The following ATP6V0A2 variants were observed in gnomAD, a reference collection of about 807,000 sequenced individuals.
ATP6V0A2 encodes V-type proton ATPase 116 kDa subunit a 2.
Under a neutral mutation model 104.4 loss-of-function variants are expected in ATP6V0A2, and 58 were observed. That is an observed-to-expected ratio of 0.56 (90% CI 0.45 to 0.69). ATP6V0A2 has a LOEUF of 0.69. ATP6V0A2 is among the 30% of genes least tolerant of loss of function. The pLI, the probability that ATP6V0A2 is intolerant of heterozygous loss-of-function variation, is 0.00. For synonymous variants in ATP6V0A2, 376 were observed against 397.9 expected, an observed-to-expected ratio of 0.95 and a Z score of 0.65; for missense variants, 938 against 1,062.9, an observed-to-expected ratio of 0.88 and a Z score of 1.63.
At chr12:123,729,902 C>T (rs535841850) in intron 6 of ATP6V0A2, among the ~76,000 whole-genome samples, 7 of 152,052 alleles carry the variant, frequency 4.6e-5, no homozygotes, top group African/African-American at 1.7e-4. Context: ...GCAATCTCTG[C>T]CTCCAGGGTT....
intron 3 of ATP6V0A2, 184 bp from the exon 4 acceptor site, chr12:123,724,470 A>G (rs1219804416): frequency 1.4e-5 from 7 of 517,998 alleles, no homozygotes; most frequent in Non-Finnish European, 2.5e-5. Context: ...TGGAGGTTGC[A>G]GTGAGCCGAG....
At position 123,734,476 on chromosome 12, in the gene ATP6V0A2, A is replaced by G. The variant is rs529488545; in HGVS notation, c.731+468A>G. On this transcript the variant is annotated intron_variant, in intron 7 of 19. Transcript: ENST00000330342. ...TCGCTGTCTCACTGGACTCACTTGG[A>G]CAAGTGACCAAGCCTCAGTTTCTTC... Among the ~76,000 whole-genome samples, 22 of 152,248 alleles carry G rather than the reference A, an allele frequency of 1.4e-4. 1 individual carries two copies. In the South Asian group the frequency reaches 4.1e-3, roughly 29 times the overall value.
intron 2 of ATP6V0A2, chr12:123,721,190 G>GTGTTT (rs55821427): frequency 0.57 from 87,242 of 151,906 alleles, 25,834 homozygotes; most frequent in East Asian, 0.89. Flanking sequence ...ATGAATCTAG[G>GTGTTT]TGTTTTGTTT....
At chr12:123,749,847 T>C (rs1023961934) in intron 15 of ATP6V0A2, 17 of 152,272 alleles carry the variant, frequency 1.1e-4, no homozygotes, top group African/African-American at 3.6e-4. Context: ...TTTTGGTTTT[T>C]CATCGTGTTG....
chr12:123,744,207 T>C lies in ATP6V0A2; in HGVS notation c.1196T>C (p.Phe399Ser). Reference sequence around the variant, plus strand: ...CTTTCCCTTTTTTCTGCAGCTCTCTTTACCATCATCACCTTCCCGTTTTTA... The same window carrying C: ...CTTTCCCTTTTTTCTGCAGCTCTCTCTACCATCATCACCTTCCCGTTTTTA... ...GSYREVNPAL[F>S]TIITFPFLFA... Residue 399 changes from phenylalanine to serine, a missense_variant, in exon 11 of 20, where the codon TTT (phenylalanine) becomes TCT (serine). Coordinates refer to ENST00000330342, the MANE Select transcript of ATP6V0A2 (RefSeq NM_012463.4). This position sits in a 1 kb window ranked among gnomAD's most constrained non-coding sequence, Gnocchi z 5.4. 6.2e-7 allele frequency: 1 copy of C among 1,614,234 alleles called. No homozygotes were observed. Among genetic ancestry groups the C allele is most frequent in the Non-Finnish European group, 8.5e-7 (1 of 1,180,046 alleles).
chr12:123,712,356 A>G lies in ATP6V0A2; in HGVS notation c.-210A>G, dbSNP rs1023576531. On this transcript the variant is annotated 5_prime_UTR_variant, in exon 1 of 20. Transcript: ENST00000330342. ...GAACCGGCAGTGGCTTGGGGGCGGG[A>G]CCTCGCGGACTGCTGTGGCGGCAGC... The G allele has an allele frequency of 3.1e-6, 1 of 322,304 alleles. No individual in the cohort carries two copies. The highest frequency in any genetic ancestry group is 2.2e-5 in the African/African-American group (1 of 45,742). 20.0% of individuals were successfully genotyped at this position (322,304 alleles called of 1,614,324 possible).
chr12:123,748,620 A>G lies in ATP6V0A2; in HGVS notation c.1770A>G (p.Glu590=), dbSNP rs1338926105. The G allele has an allele frequency of 6.2e-7, 1 of 1,613,908 alleles. No homozygotes were observed. The highest frequency in any genetic ancestry group is 8.5e-7 in the Non-Finnish European group (1 of 1,179,922). Residue 590 remains glutamate, a synonymous_variant, in exon 15 of 20, where the codon GAA becomes GAG. Transcript: ENST00000330342. The part of the protein sequence containing the change: ...KFNIYLVSIP[E]LLFMLCIFGY... ...ACATTTACCTGGTTTCCATCCCGGAACTTCTCTTCATGCTCTGTATCTTTG... is the reference window on the plus strand; with the variant it reads ...ACATTTACCTGGTTTCCATCCCGGAGCTTCTCTTCATGCTCTGTATCTTTG...
At chr12:123,735,475 C>T (rs145807850) in intron 7 of ATP6V0A2, 56 bp from the exon 8 acceptor site, 26 of 1,504,840 alleles carry the variant, frequency 1.7e-5, no homozygotes, top group African/African-American at 5.5e-5. Flanking sequence ...GGGAGGTGAA[C>T]GTGTTTAGTT....
At chr12:123,727,509 C>G (rs1261782690) in intron 5 of ATP6V0A2, among the ~76,000 whole-genome samples, 1 of 152,078 alleles carries the variant, frequency 6.6e-6, no homozygotes, top group Non-Finnish European at 1.5e-5. Context: ...GAACTCCTGA[C>G]CTTGTGATCC....
At chr12:123,736,185 C>CTTTTTTT (rs75644082) in intron 8 of ATP6V0A2, among the ~76,000 whole-genome samples, 2 of 81,916 alleles carry the variant, frequency 2.4e-5, no homozygotes, top group Non-Finnish European at 2.3e-5. Flanking sequence ...GATTGTGATT[C>CTTTTTTT]TTTTTTTTTT....
chr12:123,722,661 A>G (rs1956411170), intron 3 of ATP6V0A2, among the ~76,000 whole-genome samples: 1 of 152,174 alleles, frequency 6.6e-6, no homozygotes, highest in Admixed American at 6.5e-5. Context: ...GTTTTCTTTT[A>G]CAGTGTAAGG....
rs901929976 is a variant in ATP6V0A2 at position 123,751,162 on chromosome 12, T to A, written c.1988T>A (p.Leu663His). 6.2e-6 allele frequency: 10 copies of A among 1,614,082 alleles called. No individual in the cohort carries two copies. Among genetic ancestry groups the A allele is most frequent in the East Asian group, 2.2e-5 (1 of 44,880 alleles). The stretch of plus-strand genomic sequence containing the variant: ...GTCACAGCATTGTCTGTCCCTGTCC[T>A]CTTCTTGGGAAAGCCACTGTTTTTG... ...LVVTALSVPV[L>H]FLGKPLFLLW... Residue 663 changes from leucine to histidine, a missense_variant, in exon 16 of 20, where the codon CTC becomes CAC. Transcript: ENST00000330342.
chr12:123,726,823 T>C (rs1197675764), intron 5 of ATP6V0A2, among the ~76,000 whole-genome samples: 2 of 152,250 alleles, frequency 1.3e-5, no homozygotes, highest in Non-Finnish European at 2.9e-5. Flanking sequence ...AGAATTTGTT[T>C]TGACATTTGT....
In ATP6V0A2 at chr12:123,751,405, A is replaced by C. The variant is rs142136882; in HGVS notation, c.2055+176A>C. Among the ~76,000 whole-genome samples the C allele has an allele frequency of 1.3e-3, 205 of 152,318 alleles. 2 individuals are homozygous for C. The East Asian group carries it at 0.032, about 24-fold the overall frequency. ...TGTGGTGGCTCACACCTATAATCCC[A>C]GCACTTTGGGAGGCCAAAGCGGGCA... On this transcript the variant is annotated intron_variant, in intron 16 of 19. Coordinates refer to ENST00000330342, the MANE Select transcript of ATP6V0A2 (RefSeq NM_012463.4).
At position 123,756,917 on chromosome 12, in the gene ATP6V0A2, T is replaced by A. The variant is rs1274795206; in HGVS notation, c.2396T>A (p.Val799Asp). 1 of 1,614,182 alleles carries A rather than the reference T, an allele frequency of 6.2e-7. No homozygotes were observed. Among genetic ancestry groups the A allele is most frequent in the South Asian group, 1.1e-5 (1 of 91,074 alleles). Residue 799 changes from valine to aspartate, a missense_variant, in exon 19 of 20, where the codon GTT becomes GAT. Transcript: ENST00000330342. ...LLLPVIALFA[V>D]LTIFILLIME... ...CTCCCGGTTATCGCGCTCTTTGCAG[T>A]TTTGACCATTTTCATCCTTCTGATC...
chr12:123,755,083 T>A (rs1370645575), intron 18 of ATP6V0A2, among the ~76,000 whole-genome samples: 1 of 152,186 alleles, frequency 6.6e-6, no homozygotes, highest in Non-Finnish European at 1.5e-5. Context: ...GTCACCACAG[T>A]ACCTAGCCGT....
intron 18 of ATP6V0A2, chr12:123,756,587 G>C: frequency 1.8e-6 from 1 of 568,416 alleles, no homozygotes; most frequent in Non-Finnish European, 3.1e-6. Flanking sequence ...CCCTTTGGGA[G>C]ATGGCCTCTG....
intron 14 of ATP6V0A2, 69 bp downstream of exon 14, chr12:123,747,794 G>A (rs1956676621): frequency 2.0e-6 from 2 of 987,538 alleles, no homozygotes; most frequent in East Asian, 2.4e-5. Context: ...TTTGCTTCTT[G>A]TTGGTGACTG....
At position 123,735,517 on chromosome 12, in the gene ATP6V0A2, C is replaced by G; in HGVS notation, c.732-14C>G. 6.2e-7 allele frequency: 1 copy of G among 1,611,314 alleles called. No homozygotes were observed. The stretch of plus-strand genomic sequence containing the variant: ...CTGACAGATGTGAGACTGTGTTCAA[C>G]TCTTGTCTTCCAGCTACCACTGCCA... On this transcript the variant is annotated splice_polypyrimidine_tract_variant and intron_variant, in intron 7 of 19. Transcript: ENST00000330342.
Sources: gnomAD v4.1 joint callset for allele counts (sites outside exome capture counted in the v4.1 genomes callset) on GRCh38, gnomAD v4.1.1 for gene constraint, Gnocchi (gnomAD v3.1) non-coding constraint, MANE v1.5 for transcripts, NCBI Gene and HGNC (gene_info 2026-07-23, HGNC 2026-07-21) for gene names.